Variants in DLGAP2 observed in about 807,000 individuals in gnomAD.
DLGAP2 encodes the protein DLG associated protein 2.
Under a neutral mutation model 100.3 loss-of-function variants are expected in DLGAP2, and 26 were observed. That is an observed-to-expected ratio of 0.26 (90% CI 0.19 to 0.36). DLGAP2 has a LOEUF of 0.36. DLGAP2 is among the 10% of genes least tolerant of loss of function. The probability of loss-of-function intolerance (pLI) is 1.00; values close to 1 mark genes in which losing one functional copy is unlikely to be tolerated. For missense variants in DLGAP2, 1,858 were observed against 1,453.2 expected (o/e 1.28, Z -4.53); for synonymous variants, 886 against 630.1 (o/e 1.41, Z -6.08).
Position 815,289 on chromosome 8 carries a change from A to C in DLGAP2, c.18+77464A>C, listed in dbSNP as rs533654790. ...GTCTGTGTCCTCTGAAGGGAGGAGC[A>C]CTGTGTCCTCACTTGGCGGAGGAGC... is the stretch of plus-strand genomic sequence containing the variant. On this transcript the variant is annotated intron_variant, in intron 1 of 14. Coordinates refer to ENST00000637795, the MANE Select transcript of DLGAP2 (RefSeq NM_001346810.2). 8.5e-5 allele frequency among the ~76,000 whole-genome samples: 13 copies of C among 152,308 alleles called. No homozygotes were observed. In the South Asian group the frequency reaches 2.7e-3, roughly 32 times the overall value.
At chr8:1,517,570 C>T (rs184361761) in intron 4 of DLGAP2, among the ~76,000 whole-genome samples, 129 of 152,282 alleles carry the variant, frequency 8.5e-4, no homozygotes, top group South Asian at 8.3e-4. Flanking sequence ...AGCTCTCCTC[C>T]GAGTCAGTGC....
At chr8:1,573,051 A>G (rs1802804586) in intron 6 of DLGAP2, among the ~76,000 whole-genome samples, 1 of 45,350 alleles carries the variant, frequency 2.2e-5, no homozygotes, top group African/African-American at 1.0e-4. Flanking sequence ...GATGAGATGG[A>G]GAGGAGAGAG....
At chr8:1,599,064 G>C (rs1329700600) in intron 6 of DLGAP2, among the ~76,000 whole-genome samples, 1 of 152,132 alleles carries the variant, frequency 6.6e-6, no homozygotes, top group Non-Finnish European at 1.5e-5. Context: ...CTGGTATGTT[G>C]TGTCTTTGTT....
chr8:1,427,295 C>A (rs1268709641), intron 3 of DLGAP2, among the ~76,000 whole-genome samples: 2 of 152,232 alleles, frequency 1.3e-5, no homozygotes, highest in East Asian at 3.9e-4. Flanking sequence ...ATGATTTGAA[C>A]AACACAACGA....
At chr8:1,303,781 C>T (rs1298055820) in intron 3 of DLGAP2, among the ~76,000 whole-genome samples, 1 of 152,122 alleles carries the variant, frequency 6.6e-6, no homozygotes, top group Non-Finnish European at 1.5e-5. Context: ...TAAATTAATC[C>T]TGCATCCGGT....
intron 14 of DLGAP2, among the ~76,000 whole-genome samples, chr8:1,699,151 C>A (rs1340501782): frequency 6.6e-6 from 1 of 152,234 alleles, no homozygotes; most frequent in Non-Finnish European, 1.5e-5. Flanking sequence ...AGTCTCCATT[C>A]TTTGGTCATT....
intron 1 of DLGAP2, among the ~76,000 whole-genome samples, chr8:899,152 C>T (rs553477799): frequency 1.3e-5 from 2 of 152,326 alleles, no homozygotes; most frequent in African/African-American, 4.8e-5. Flanking sequence ...GACGCCGCAT[C>T]TCCAGCCCCT....
chr8:1,254,934 C>CGGCCGCTGTGTGTGTG (rs1799141488), intron 2 of DLGAP2, among the ~76,000 whole-genome samples: 3 of 134,698 alleles, frequency 2.2e-5, no homozygotes, highest in Admixed American at 7.7e-5. Flanking sequence ...TGTGTGTGCC[C>CGGCCGCTGTGTGTGTG]TCTCCTGCCC....
chr8:1,423,171 A>T (rs955653202), intron 3 of DLGAP2, among the ~76,000 whole-genome samples: 10 of 152,346 alleles, frequency 6.6e-5, no homozygotes, highest in African/African-American at 2.4e-4. Context: ...GTGGCAAGTT[A>T]ATATAATATA....
intron 2 of DLGAP2, among the ~76,000 whole-genome samples, chr8:994,053 G>T (rs73176520): frequency 0.026 from 3,961 of 152,158 alleles, 164 homozygotes; most frequent in African/African-American, 0.091. Context: ...CAGGCGTTGC[G>T]TAGACAGTAC....
intron 3 of DLGAP2, among the ~76,000 whole-genome samples, chr8:1,267,786 G>A (rs1030817362): frequency 6.6e-6 from 1 of 151,860 alleles, no homozygotes; most frequent in Non-Finnish European, 1.5e-5. Flanking sequence ...GTCTGTTGGG[G>A]CAGAATGTTT....
At chr8:985,785 C>T (rs549783186) in intron 2 of DLGAP2, among the ~76,000 whole-genome samples, 1 of 152,234 alleles carries the variant, frequency 6.6e-6, no homozygotes, top group East Asian at 1.9e-4. Context: ...CCCAGTGTTT[C>T]CCCAGATGTG....
intron 3 of DLGAP2, among the ~76,000 whole-genome samples, chr8:1,424,468 C>G (rs560274983): frequency 6.6e-6 from 1 of 152,280 alleles, no homozygotes; most frequent in East Asian, 1.9e-4. Context: ...GTATAGCTGC[C>G]CAATGGAATG....
At chr8:1,193,619 C>G (rs1329207709) in intron 2 of DLGAP2, among the ~76,000 whole-genome samples, 1 of 152,182 alleles carries the variant, frequency 6.6e-6, no homozygotes, top group East Asian at 1.9e-4. Context: ...TGTGTGTCCG[C>G]TGGTGGATAC....
At chr8:945,784 T>G (rs1352976182) in intron 2 of DLGAP2, among the ~76,000 whole-genome samples, 8 of 152,120 alleles carry the variant, frequency 5.3e-5, no homozygotes, top group Admixed American at 5.2e-4. Flanking sequence ...TCTCTCTCAC[T>G]CTCTCCCTCT....
At chr8:793,535 C>T (rs1403711208) in intron 1 of DLGAP2, among the ~76,000 whole-genome samples, 2 of 152,108 alleles carry the variant, frequency 1.3e-5, no homozygotes, top group African/African-American at 4.8e-5. Context: ...CTGGTGGCTT[C>T]TCTTCCTTCA....
chr8:1,264,664 T>A (rs1304923305), intron 3 of DLGAP2, among the ~76,000 whole-genome samples: 1 of 151,868 alleles, frequency 6.6e-6, no homozygotes, highest in African/African-American at 2.4e-5. Flanking sequence ...AACATAGGGG[T>A]CAAAGGACTT....
intron 4 of DLGAP2, among the ~76,000 whole-genome samples, chr8:1,522,072 G>GT (rs35460928): frequency 6.7e-6 from 1 of 149,420 alleles, no homozygotes; most frequent in African/African-American, 2.5e-5. Context: ...GAATACTCGG[G>GT]GGCAGGTGAT....
intron 2 of DLGAP2, among the ~76,000 whole-genome samples, chr8:1,187,856 C>G (rs911755627): frequency 8.2e-6 from 1 of 121,858 alleles, no homozygotes; most frequent in Non-Finnish European, 1.6e-5. Context: ...CTCACACACC[C>G]GGGACCCCCG....
Sources: allele counts gnomAD v4.1 joint callset (sites outside exome capture counted in the v4.1 genomes callset), GRCh38; gene constraint gnomAD v4.1.1; transcripts MANE v1.5; gene names NCBI Gene and HGNC (gene_info 2026-07-23, HGNC 2026-07-21).